The following ZBED6 variants were observed in gnomAD, a reference collection of about 807,000 sequenced individuals.
ZBED6 encodes zinc finger BED domain-containing protein 6.
Under a neutral mutation model 58.4 loss-of-function variants are expected in ZBED6, and 40 were observed. The observed-to-expected ratio is 0.68, with a 90% confidence interval of 0.53 to 0.89. The LOEUF (loss-of-function observed/expected upper bound fraction) is 0.89, where lower values mean the gene tolerates loss of function less well. Ranked by LOEUF, ZBED6 falls within the 40% of genes least tolerant of loss-of-function variation. The pLI is 0.00. For synonymous variants in ZBED6, 439 were observed against 350.6 expected, an observed-to-expected ratio of 1.25 and a Z score of -2.82; for missense variants, 1,057 against 1,003.9, an observed-to-expected ratio of 1.05 and a Z score of -0.71.
intron 7 of ZBED6, among the ~76,000 whole-genome samples, chr1:203,830,738 G>A (rs1025580318): frequency 2.0e-5 from 3 of 151,970 alleles, no homozygotes; most frequent in African/African-American, 7.3e-5. Flanking sequence ...GAACCCAGGA[G>A]GCAGAGGTTG....
exon 1 of ZBED6, chr1:203,797,373 C>T: frequency 1.4e-6 from 1 of 690,640 alleles, no homozygotes; most frequent in Non-Finnish European, 2.2e-6. Flanking sequence ...CCAAAAATAA[C>T]CTGGCTTGGA....
At chr1:203,815,693 T>C (rs111372177) in intron 1 of ZBED6, among the ~76,000 whole-genome samples, 1,607 of 152,326 alleles carry the variant, frequency 0.011, 19 homozygotes, top group African/African-American at 0.035. Context: ...TCCAGGTTGT[T>C]AACATCAAGG....
chr1:203,809,946 C>T (rs914273598), intron 1 of ZBED6, among the ~76,000 whole-genome samples: 1 of 151,990 alleles, frequency 6.6e-6, no homozygotes, highest in Non-Finnish European at 1.5e-5. Flanking sequence ...CAGAGCGAGA[C>T]TCTCTCAAAA....
chr1:203,820,668 C>T (rs561022400), intron 3 of ZBED6, among the ~76,000 whole-genome samples: 4 of 151,936 alleles, frequency 2.6e-5, no homozygotes, highest in South Asian at 2.1e-4. Context: ...TTAGTAGACA[C>T]GAGGTTTCGC....
At chr1:203,796,256 C>T (rs888918716) in exon 1 of ZBED6, 5 of 394,916 alleles carry the variant, frequency 1.3e-5, no homozygotes, top group Non-Finnish European at 2.2e-5. Context: ...AGACTGAGTG[C>T]CGGGCGCTGA....
At chr1:203,851,650 C>A (rs1417661404) in intron 16 of ZBED6, among the ~76,000 whole-genome samples, 2 of 152,026 alleles carry the variant, frequency 1.3e-5, no homozygotes, top group Non-Finnish European at 1.5e-5. Flanking sequence ...GTCTTTAACA[C>A]CTACTTTGAG....
At chr1:203,820,625 G>T (rs1450845918) in intron 3 of ZBED6, among the ~76,000 whole-genome samples, 1 of 151,944 alleles carries the variant, frequency 6.6e-6, no homozygotes, top group Non-Finnish European at 1.5e-5. Context: ...CAACGGGCAT[G>T]CCTCACCACA....
At chr1:203,816,554 C>T (rs1406279894) in intron 1 of ZBED6, among the ~76,000 whole-genome samples, 1 of 152,016 alleles carries the variant, frequency 6.6e-6, no homozygotes, top group Non-Finnish European at 1.5e-5. Flanking sequence ...TCCCTTGAGC[C>T]CAGGAGTTCA....
exon 1 of ZBED6, chr1:203,799,923 A>G: frequency 6.5e-7 from 1 of 1,536,150 alleles, no homozygotes; most frequent in Non-Finnish European, 8.7e-7. Context: ...AGAGGTCTGT[A>G]ATTATATGGA....
At chr1:203,813,791 C>T (rs901456685) in intron 1 of ZBED6, among the ~76,000 whole-genome samples, 6 of 152,040 alleles carry the variant, frequency 3.9e-5, no homozygotes, top group Admixed American at 3.9e-4. Flanking sequence ...ATCACTCCAG[C>T]CACATGGTCA....
intron 8 of ZBED6, among the ~76,000 whole-genome samples, chr1:203,832,095 G>A (rs2103047355): frequency 6.6e-6 from 1 of 152,230 alleles, no homozygotes; most frequent in Non-Finnish European, 1.5e-5. Flanking sequence ...TTGCACTCCT[G>A]TTGCCTAGGC....
intron 9 of ZBED6, chr1:203,834,062 A>G: frequency 8.1e-7 from 1 of 1,229,484 alleles, no homozygotes; most frequent in Non-Finnish European, 1.0e-6. Flanking sequence ...CTAGATTATG[A>G]CCATGACCAG....
rs1197195368 is a variant in ZBED6 at position 203,819,077 on chromosome 1, AAT to A, written c.*2873+400_*2873+401del. Among the ~76,000 whole-genome samples the A allele has an allele frequency of 3.4e-3, 448 of 132,614 alleles. 3 individuals are homozygous for A. Among genetic ancestry groups the A allele is most frequent in the African/African-American group, 9.9e-3 (334 of 33,798 alleles). The allele number at this position is 132,614 out of a possible 152,430, so 87.0% of individuals were successfully genotyped here. ...AGCAACACTCCGTCTCAAAAAAAAA[AAT>A]ATATATATATACACACACACACACA... is the stretch of plus-strand genomic sequence containing the variant. On this transcript the variant is annotated intron_variant, in intron 3 of 16. Coordinates refer to ENST00000550078, the Ensembl canonical transcript of ZBED6.
intron 1 of ZBED6, among the ~76,000 whole-genome samples, chr1:203,805,419 C>T (rs970215318): frequency 2.0e-5 from 3 of 152,188 alleles, no homozygotes; most frequent in Admixed American, 1.3e-4. Context: ...GTGTGAGCCA[C>T]CGCGCCCTGC....
intron 1 of ZBED6, among the ~76,000 whole-genome samples, chr1:203,805,298 A>AT (rs913319704): frequency 1.3e-5 from 2 of 150,044 alleles, no homozygotes; most frequent in African/African-American, 4.9e-5. Flanking sequence ...CACCCGGCTA[A>AT]TTTTTTGTAT....
At chr1:203,843,250 C>T (rs1686972232) in intron 11 of ZBED6, among the ~76,000 whole-genome samples, 1 of 152,036 alleles carries the variant, frequency 6.6e-6, no homozygotes, top group Non-Finnish European at 1.5e-5. Context: ...CAGTATTTAT[C>T]ATAAATACTG....
chr1:203,797,152 A>G lies in ZBED6; in HGVS notation c.-371A>G, dbSNP rs145442231. ...TTTCAAGTAGATATAGTTCTTGATG[A>G]AGCAGGAAGAACATGGATCTGGGAT... is the stretch of plus-strand genomic sequence containing the variant. On this transcript the variant is annotated 5_prime_UTR_variant, in exon 1 of 17. Transcript: ENST00000550078. 414 of 161,970 alleles carry G rather than the reference A, an allele frequency of 2.6e-3. 1 individual carries two copies. Among genetic ancestry groups the G allele is most frequent in the African/African-American group, 8.9e-3 (371 of 41,878 alleles). 10.0% of individuals were successfully genotyped at this position (161,970 alleles called of 1,614,324 possible). A position where few individuals can be genotyped will look rare whatever the true frequency, so the allele number is the denominator to read the frequency against.
chr1:203,820,821 T>G (rs1678387663), intron 3 of ZBED6, among the ~76,000 whole-genome samples: 1 of 152,120 alleles, frequency 6.6e-6, no homozygotes, highest in Non-Finnish European at 1.5e-5. Context: ...ACAGTTTTAA[T>G]TTTCTCATTA....
intron 11 of ZBED6, among the ~76,000 whole-genome samples, chr1:203,843,496 T>A (rs1419209435): frequency 6.6e-6 from 1 of 152,224 alleles, no homozygotes; most frequent in Non-Finnish European, 1.5e-5. Flanking sequence ...TTCAACTTTA[T>A]TTTTTAGACA....
Sources: gnomAD v4.1 joint callset for allele counts (sites outside exome capture counted in the v4.1 genomes callset) on GRCh38, gnomAD v4.1.1 for gene constraint, MANE v1.5 for transcripts, NCBI Gene and HGNC (gene_info 2026-07-23, HGNC 2026-07-21) for gene names.